Variants in SLBP observed in about 807,000 individuals in gnomAD.
The protein encoded by SLBP is histone RNA hairpin-binding protein.
In SLBP, 29 loss-of-function variants were observed where a neutral mutation model predicts 39.2. That is an observed-to-expected ratio of 0.74 (90% CI 0.55 to 1.01). SLBP has a LOEUF of 1.01. Among genes scored for constraint, SLBP ranks in the 50% least tolerant of loss-of-function variants. The pLI, the probability that SLBP is intolerant of heterozygous loss-of-function variation, is 0.00. For missense variants in SLBP, 390 were observed against 350.2 expected (o/e 1.11, Z -0.91); for synonymous variants, 129 against 118.7 (o/e 1.09, Z -0.57).
At chr4:1,700,222 T>A (rs1047114165) in intron 3 of SLBP, 152 bp from the exon 4 acceptor site, 4 of 465,224 alleles carry the variant, frequency 8.6e-6, no homozygotes, top group African/African-American at 6.2e-5. Context: ...AGGTTCAGTT[T>A]AAGTAGTGAG....
intron 3 of SLBP, among the ~76,000 whole-genome samples, chr4:1,702,190 ACAAGT>A (rs1054717165): frequency 1.3e-5 from 2 of 152,224 alleles, no homozygotes; most frequent in African/African-American, 2.4e-5. Flanking sequence ...CACAAACTAT[ACAAGT>A]CAAGTCAAAC....
Position 1,704,005 on chromosome 4 carries a change from AC to A in SLBP, c.177-306del, listed in dbSNP as rs1716427909. Among the ~76,000 whole-genome samples the A allele has an allele frequency of 1.8e-4, 27 of 152,302 alleles. No individual in the cohort carries two copies. The South Asian group carries it at 5.4e-3, about 30-fold the overall frequency. On this transcript the variant is annotated intron_variant, in intron 2 of 7. Transcript: ENST00000489418. ...AAAAGCAAACTAGATGTAGAACATA[AC>A]CTATCAGCTGCATCTGTCTATCCAG...
intron 2 of SLBP, among the ~76,000 whole-genome samples, chr4:1,708,593 T>C (rs148744767): frequency 9.2e-5 from 14 of 152,358 alleles, no homozygotes; most frequent in African/African-American, 3.1e-4. Flanking sequence ...AACAAATTCC[T>C]GAACTACAAG....
In SLBP at chr4:1,708,143, C is replaced by G. The variant is rs576646479; in HGVS notation, c.176+3731G>C. On this transcript the variant is annotated intron_variant, in intron 2 of 7. Transcript: ENST00000489418. Reference sequence around the variant, plus strand: ...TGGCGCATGCCTGTAGTCCCAGCTACTTGGAGGCTGAAGCAGGAGAACTGC... The same window carrying G: ...TGGCGCATGCCTGTAGTCCCAGCTAGTTGGAGGCTGAAGCAGGAGAACTGC... 4.0e-5 allele frequency among the ~76,000 whole-genome samples: 6 copies of G among 150,218 alleles called. No homozygotes were observed. In the East Asian group the frequency reaches 1.2e-3, roughly 29 times the overall value.
chr4:1,699,386 G>C (rs1043238619), intron 5 of SLBP, among the ~76,000 whole-genome samples, 178 bp downstream of exon 5: 2 of 152,120 alleles, frequency 1.3e-5, no homozygotes, highest in Non-Finnish European at 2.9e-5. Context: ...CATGTCTTTA[G>C]TTTTCCAGTT....
chr4:1,708,656 G>T (rs1716615363), intron 2 of SLBP, among the ~76,000 whole-genome samples: 1 of 152,114 alleles, frequency 6.6e-6, no homozygotes, highest in Non-Finnish European at 1.5e-5. Flanking sequence ...GCCATATTTT[G>T]GTATCTTTAA....
intron 2 of SLBP, among the ~76,000 whole-genome samples, chr4:1,708,548 T>G (rs879648702): frequency 6.6e-6 from 1 of 152,182 alleles, no homozygotes; most frequent in Non-Finnish European, 1.5e-5. Flanking sequence ...TCCTCACTAG[T>G]GTATCAAGAG....
At chr4:1,700,227 A>ATAC in intron 3 of SLBP, 157 bp from the exon 4 acceptor site, 1 of 478,468 alleles carries the variant, frequency 2.1e-6, no homozygotes, top group Non-Finnish European at 3.7e-6. Flanking sequence ...CAGTTTAAGT[A>ATAC]GTGAGATCCA....
rs774791909 is a variant in SLBP at position 1,712,197 on chromosome 4, G to A, written c.-9C>T. On this transcript the variant is annotated 5_prime_UTR_variant, in exon 1 of 8. Transcript: ENST00000489418. Reference sequence around the variant, plus strand: ...CGCGGGCGGCAGGCCATGGCAGCACGGGCCGGGCGCGCAGCGCAGGGCCGA... The same window carrying A: ...CGCGGGCGGCAGGCCATGGCAGCACAGGCCGGGCGCGCAGCGCAGGGCCGA... 2.4e-6 allele frequency: 3 copies of A among 1,244,826 alleles called. No individual in the cohort carries two copies. The highest frequency in any genetic ancestry group is 3.3e-5 in the East Asian group (1 of 29,994). 77.1% of individuals were successfully genotyped at this position (1,244,826 alleles called of 1,614,324 possible).
chr4:1,695,516 G>A (rs1004463396), intron 6 of SLBP, among the ~76,000 whole-genome samples: 6 of 152,162 alleles, frequency 3.9e-5, no homozygotes, highest in Admixed American at 3.3e-4. Context: ...AAAGGCCAAC[G>A]GGGCTGGGAG....
In SLBP at chr4:1,703,493, G is replaced by GAAAAA. The variant is rs1716407179; in HGVS notation, c.281+102_281+103insTTTTT. On this transcript the variant is annotated intron_variant, in intron 3 of 7. Transcript: ENST00000489418. The stretch of plus-strand genomic sequence containing the variant: ...AGGAAATGTTGATGCCTTTGGTCTG[G>GAAAAA]AGCCCAGACCTTTGAAAACCACTGT... 2.1e-5 allele frequency: 16 copies of GAAAAA among 776,350 alleles called. 1 individual carries two copies. Among genetic ancestry groups the GAAAAA allele is most frequent in the Middle Eastern group, 2.3e-4 (1 of 4,348 alleles). 48.1% of individuals were successfully genotyped at this position (776,350 alleles called of 1,614,324 possible).
intron 2 of SLBP, among the ~76,000 whole-genome samples, chr4:1,706,322 C>T (rs530567721): frequency 1.2e-4 from 18 of 152,250 alleles, no homozygotes; most frequent in African/African-American, 4.1e-4. Context: ...TATCCATTTA[C>T]CTTTCGGGCG....
chr4:1,698,659 T>C (rs1219482674), intron 5 of SLBP, among the ~76,000 whole-genome samples: 1 of 151,758 alleles, frequency 6.6e-6, no homozygotes, highest in Non-Finnish European at 1.5e-5. Context: ...AAATTTCTTG[T>C]ATTTTTAGTA....
chr4:1,699,496 T>A (rs1716244108), intron 5 of SLBP, 68 bp downstream of exon 5: 1 of 1,532,702 alleles, frequency 6.5e-7, no homozygotes, highest in Non-Finnish European at 9.0e-7. Context: ...TACTACCCAA[T>A]CTAAGCAACT....
intron 6 of SLBP, among the ~76,000 whole-genome samples, chr4:1,695,774 CAAAAA>C (rs57905455): frequency 2.1e-5 from 3 of 143,066 alleles, no homozygotes; most frequent in East Asian, 4.1e-4. Flanking sequence ...GAGCATCTCC[CAAAAA>C]AAAAAAGCCA....
At position 1,701,209 on chromosome 4, in the gene SLBP, G is replaced by A. The variant is rs376005232; in HGVS notation, c.282-1139C>T. On this transcript the variant is annotated intron_variant, in intron 3 of 7. Transcript: ENST00000489418. ...TGCCCAGACTGGAGTGCAATGGCGA[G>A]ATCTCGGCTCAGTGCAACCTCCGCC... 2.6e-3 allele frequency among the ~76,000 whole-genome samples: 390 copies of A among 147,730 alleles called. 2 individuals are homozygous for A. The highest frequency in any genetic ancestry group is 8.9e-3 in the African/African-American group (355 of 39,984).
At chr4:1,693,806 T>C in intron 7 of SLBP, 93 bp from the exon 8 acceptor site, 1 of 764,294 alleles carries the variant, frequency 1.3e-6, no homozygotes. Flanking sequence ...GTAAATCATG[T>C]GATGTAATGC....
intron 2 of SLBP, among the ~76,000 whole-genome samples, chr4:1,708,742 T>C (rs1716617833): frequency 6.6e-6 from 1 of 152,262 alleles, no homozygotes; most frequent in South Asian, 2.1e-4. Context: ...TTTTACACAC[T>C]AAGCTAACAA....
rs1049631939 is a variant in SLBP, at chr4:1,711,915, G to C, written c.135C>G (p.Ala45=). The change falls in exon 2 of 8, where the codon GCC becomes GCG. Residue 45 remains alanine, a synonymous_variant. Transcript: ENST00000489418. ...CGGCGCCGCGGTGCTCTGCCTCCTC[G>C]GCGTCTTCGGGCCTCCAGCGCCTGC... ...ADGRRWRPED[A]EEAEHRGAER... The C allele has an allele frequency of 7.3e-6, 10 of 1,364,444 alleles. No individual in the cohort carries two copies. Among genetic ancestry groups the C allele is most frequent in the African/African-American group, 3.0e-5 (2 of 65,804 alleles). The allele number at this position is 1,364,444 out of a possible 1,614,324, so 84.5% of individuals were successfully genotyped here. A position where few individuals can be genotyped will look rare whatever the true frequency, so the allele number is the denominator to read the frequency against.
Sources: gnomAD v4.1 joint callset for allele counts (sites outside exome capture counted in the v4.1 genomes callset) on GRCh38, gnomAD v4.1.1 for gene constraint, MANE v1.5 for transcripts, NCBI Gene and HGNC (gene_info 2026-07-23, HGNC 2026-07-21) for gene names.